The following GABRG3 variants were observed in gnomAD, a reference collection of about 807,000 sequenced individuals.
The protein encoded by GABRG3 is gamma-aminobutyric acid receptor subunit gamma-3.
In GABRG3, 25 loss-of-function variants were observed where a neutral mutation model predicts 48.8. The ratio of observed to expected loss-of-function variants is 0.51; its 90% confidence interval spans 0.37 to 0.72. GABRG3 has a LOEUF of 0.72. GABRG3 is among the 30% of genes least tolerant of loss of function. The probability of loss-of-function intolerance (pLI) is 0.00; values close to 1 mark genes in which losing one functional copy is unlikely to be tolerated. For synonymous variants in GABRG3, 227 were observed against 217.6 expected, an observed-to-expected ratio of 1.04 and a Z score of -0.38; for missense variants, 394 against 577.9, an observed-to-expected ratio of 0.68 and a Z score of 3.26.
chr15:27,518,967 A>G (rs1174511820), intron 6 of GABRG3, among the ~76,000 whole-genome samples: 1 of 152,186 alleles, frequency 6.6e-6, no homozygotes, highest in African/African-American at 2.4e-5. Flanking sequence ...AAAGGATTTG[A>G]GAGCAATGGA....
intron 3 of GABRG3, among the ~76,000 whole-genome samples, chr15:27,265,737 TTC>T (rs1890898234): frequency 6.6e-6 from 1 of 152,198 alleles, no homozygotes; most frequent in Non-Finnish European, 1.5e-5. Flanking sequence ...TGCCTTTTCA[TTC>T]TCTCAGCTGT....
chr15:27,021,110 A>G (rs1037912446), intron 2 of GABRG3, among the ~76,000 whole-genome samples: 4 of 152,340 alleles, frequency 2.6e-5, no homozygotes, highest in African/African-American at 9.6e-5. Context: ...AATGACACTG[A>G]TTTGATCTTT....
intron 3 of GABRG3, among the ~76,000 whole-genome samples, chr15:27,230,513 T>C (rs1889763865): frequency 1.4e-5 from 2 of 144,058 alleles, no homozygotes; most frequent in Non-Finnish European, 3.0e-5. Flanking sequence ...TTTTTAATTA[T>C]AGATTTTTTT....
At chr15:27,082,625 C>T (rs1212666912) in intron 3 of GABRG3, among the ~76,000 whole-genome samples, 2 of 152,078 alleles carry the variant, frequency 1.3e-5, no homozygotes, top group Admixed American at 1.3e-4. Context: ...TTCAAGATCA[C>T]GATAAAACCA....
intron 5 of GABRG3, among the ~76,000 whole-genome samples, chr15:27,342,105 A>T (rs1273584754): frequency 6.6e-6 from 1 of 152,176 alleles, no homozygotes; most frequent in African/African-American, 2.4e-5. Flanking sequence ...ACGTCATCGC[A>T]GTCCCAAGGC....
chr15:27,511,296 G>A (rs1890889646), intron 6 of GABRG3, among the ~76,000 whole-genome samples: 4 of 152,220 alleles, frequency 2.6e-5, no homozygotes. Flanking sequence ...CCGTGTATAT[G>A]TGTGTGAGAG....
chr15:27,006,833 C>T (rs1348391353), intron 2 of GABRG3, among the ~76,000 whole-genome samples: 9 of 144,768 alleles, frequency 6.2e-5, no homozygotes, highest in Admixed American at 4.1e-4. Flanking sequence ...GACATGATCT[C>T]GTTTGTTTTT....
intron 3 of GABRG3, among the ~76,000 whole-genome samples, chr15:27,222,790 G>C (rs940396297): frequency 7.9e-5 from 12 of 152,126 alleles, no homozygotes; most frequent in Non-Finnish European, 1.5e-4. Flanking sequence ...CAGTGTTCCC[G>C]GGAGACCACT....
Position 27,539,289 on chromosome 15 carries a change from A to G in GABRG3, c.*6408A>G, listed in dbSNP as rs1423775436. 6.6e-6 allele frequency: 1 copy of G among 152,190 alleles called. No individual in the cohort carries two copies. Among genetic ancestry groups the G allele is most frequent in the East Asian group, 1.9e-4 (1 of 5,176 alleles). 9.4% of individuals were successfully genotyped at this position (152,190 alleles called of 1,614,324 possible). ...AGGTGGAATCGCTCCTGGCAAGGGC[A>G]TGACCGTGCACAGGCTGACATGATT... is the stretch of plus-strand genomic sequence containing the variant. On this transcript the variant is annotated 3_prime_UTR_variant, in exon 10 of 10. Transcript: ENST00000615808.
intron 3 of GABRG3, among the ~76,000 whole-genome samples, chr15:27,095,518 ACTT>A (rs1267691406): frequency 2.6e-5 from 4 of 152,010 alleles, no homozygotes; most frequent in Non-Finnish European, 5.9e-5. Context: ...CTCACAGTGA[ACTT>A]CTTCCTCGTG....
At chr15:27,375,832 CT>C (rs1368667965) in intron 5 of GABRG3, among the ~76,000 whole-genome samples, 21 of 152,282 alleles carry the variant, frequency 1.4e-4, no homozygotes, top group Admixed American at 6.5e-4. Flanking sequence ...CATTCCACCC[CT>C]AGCCCCTCCG....
At chr15:27,104,216 A>G (rs1055817839) in intron 3 of GABRG3, among the ~76,000 whole-genome samples, 1 of 152,224 alleles carries the variant, frequency 6.6e-6, no homozygotes, top group African/African-American at 2.4e-5. Flanking sequence ...CTGCCTCAAA[A>G]CAATTTCACT....
intron 2 of GABRG3, among the ~76,000 whole-genome samples, chr15:26,980,203 CTTTT>C (rs773989596): frequency 3.3e-5 from 5 of 151,920 alleles, no homozygotes; most frequent in Non-Finnish European, 7.4e-5. Context: ...TGTCATCTTC[CTTTT>C]TTTGTCAGTC....
At chr15:27,038,491 C>T (rs1896217686) in intron 3 of GABRG3, among the ~76,000 whole-genome samples, 1 of 152,074 alleles carries the variant, frequency 6.6e-6, no homozygotes, top group Admixed American at 6.6e-5. Context: ...GTGCCCACCA[C>T]CTGTGGACAC....
intron 3 of GABRG3, among the ~76,000 whole-genome samples, chr15:27,218,143 G>A (rs1451985431): frequency 1.3e-5 from 2 of 151,972 alleles, no homozygotes; most frequent in African/African-American, 4.8e-5. Context: ...CCAAGCAGCT[G>A]GGACTACCTA....
chr15:27,398,586 T>C (rs1489126880), intron 5 of GABRG3, among the ~76,000 whole-genome samples: 1 of 152,004 alleles, frequency 6.6e-6, no homozygotes, highest in Non-Finnish European at 1.5e-5. Flanking sequence ...CAATGTGGTA[T>C]AGTGGAAGTG....
At chr15:27,345,880 C>A (rs986881196) in intron 5 of GABRG3, among the ~76,000 whole-genome samples, 2 of 151,688 alleles carry the variant, frequency 1.3e-5, no homozygotes, top group African/African-American at 2.4e-5. Flanking sequence ...GTGGTGAAAC[C>A]CCATCTCTAC....
intron 3 of GABRG3, among the ~76,000 whole-genome samples, chr15:27,196,926 A>G (rs753758149): frequency 2.0e-5 from 3 of 152,216 alleles, no homozygotes; most frequent in Non-Finnish European, 2.9e-5. Flanking sequence ...GCCAGTATTT[A>G]GTATTATTGC....
intron 6 of GABRG3, among the ~76,000 whole-genome samples, chr15:27,515,282 C>T (rs541115290): frequency 6.6e-5 from 10 of 151,988 alleles, no homozygotes; most frequent in African/African-American, 1.9e-4. Context: ...TTAGTAGAGA[C>T]GGGGTTTCAC....
Sources: gnomAD v4.1 joint callset for allele counts (sites outside exome capture counted in the v4.1 genomes callset) on GRCh38, gnomAD v4.1.1 for gene constraint, MANE v1.5 for transcripts, NCBI Gene and HGNC (gene_info 2026-07-23, HGNC 2026-07-21) for gene names.